Variants in FAM13C observed in about 807,000 individuals in gnomAD.
FAM13C encodes protein FAM13C.
FAM13C carries 37 observed loss-of-function variants against 73.2 expected under a neutral mutation model. The observed-to-expected ratio is 0.51, with a 90% CI of 0.39 to 0.67. FAM13C has a LOEUF of 0.67. FAM13C is among the 30% of genes least tolerant of loss of function. The pLI, the probability that FAM13C is intolerant of heterozygous loss-of-function variation, is 0.00. For missense variants in FAM13C, 589 were observed against 715.6 expected (o/e 0.82, Z 2.02); for synonymous variants, 246 against 260.9 (o/e 0.94, Z 0.55).
chr10:59,341,849 A>G (rs1853564435), intron 3 of FAM13C, among the ~76,000 whole-genome samples: 1 of 152,210 alleles, frequency 6.6e-6, no homozygotes. Flanking sequence ...ATTCAAGCAC[A>G]TCAGTTACCT....
intron 4 of FAM13C, among the ~76,000 whole-genome samples, chr10:59,316,181 C>T (rs372429817): frequency 6.6e-5 from 10 of 152,120 alleles, no homozygotes; most frequent in South Asian, 2.1e-4. Context: ...GTGATCTGCC[C>T]GCCTCAGGCT....
intron 3 of FAM13C, among the ~76,000 whole-genome samples, chr10:59,349,178 T>TA (rs1469222291): frequency 6.6e-6 from 1 of 152,242 alleles, no homozygotes; most frequent in Non-Finnish European, 1.5e-5. Context: ...AGTAGTAAAC[T>TA]AACCACAGTG....
intron 3 of FAM13C, among the ~76,000 whole-genome samples, 180 bp downstream of exon 3, chr10:59,352,090 A>G (rs1259136638): frequency 2.6e-5 from 4 of 152,210 alleles, no homozygotes; most frequent in African/African-American, 9.6e-5. Context: ...TAGCCGGCTC[A>G]GAGCACCCAA....
At chr10:59,289,749 A>G (rs985906882) in intron 5 of FAM13C, among the ~76,000 whole-genome samples, 10 of 152,166 alleles carry the variant, frequency 6.6e-5, no homozygotes, top group African/African-American at 2.2e-4. Context: ...GTGACCTTCA[A>G]TGCAGGAACA....
At chr10:59,267,994 A>C (rs983299004) in intron 8 of FAM13C, among the ~76,000 whole-genome samples, 2 of 152,200 alleles carry the variant, frequency 1.3e-5, no homozygotes, top group African/African-American at 2.4e-5. Context: ...CAGTACTAGC[A>C]TGAAAACTAG....
intron 4 of FAM13C, among the ~76,000 whole-genome samples, chr10:59,309,448 C>T (rs1174742632): frequency 6.6e-6 from 1 of 152,196 alleles, no homozygotes; most frequent in Non-Finnish European, 1.5e-5. Flanking sequence ...TATGTGCCCA[C>T]TCCTCAACCT....
intron 4 of FAM13C, among the ~76,000 whole-genome samples, chr10:59,310,737 C>T (rs138454120): frequency 2.6e-5 from 4 of 152,268 alleles, no homozygotes; most frequent in East Asian, 3.9e-4. Flanking sequence ...AACACTGATC[C>T]CCAATGGTAT....
At chr10:59,303,260 C>G (rs1421501873) in intron 4 of FAM13C, among the ~76,000 whole-genome samples, 1 of 152,196 alleles carries the variant, frequency 6.6e-6, no homozygotes, top group Non-Finnish European at 1.5e-5. Flanking sequence ...CACAGGGCAC[C>G]TCCCCAAGGA....
chr10:59,285,505 A>G (rs1388626710), intron 5 of FAM13C, among the ~76,000 whole-genome samples: 2 of 152,226 alleles, frequency 1.3e-5, no homozygotes. Flanking sequence ...GGAATGCAAA[A>G]TGGTGCTGCC....
chr10:59,291,849 T>C (rs1395462300), intron 5 of FAM13C, among the ~76,000 whole-genome samples: 28 of 147,376 alleles, frequency 1.9e-4, no homozygotes, highest in African/African-American at 5.8e-4. Flanking sequence ...AGTGCAGTGG[T>C]GTGATCTCGG....
chr10:59,282,361 C>T (rs1845020092), intron 6 of FAM13C, among the ~76,000 whole-genome samples: 1 of 152,164 alleles, frequency 6.6e-6, no homozygotes, highest in African/African-American at 2.4e-5. Context: ...ACTGATTTAC[C>T]TGCTTAGACT....
chr10:59,355,217 G>C (rs1265293485), intron 2 of FAM13C, among the ~76,000 whole-genome samples: 1 of 151,988 alleles, frequency 6.6e-6, no homozygotes, highest in Non-Finnish European at 1.5e-5. Context: ...GAGCAGCATT[G>C]GTTTGTCTTT....
Position 59,246,708 on chromosome 10 carries a change from G to A in FAM13C, c.*906C>T, listed in dbSNP as rs1481199187. On this transcript the variant is annotated 3_prime_UTR_variant, in exon 14 of 14. Transcript: ENST00000618804. ...TTGTACAGAAGGATGAATAACTACA[G>A]CTCATGGGAAATGTTTTGACTTTAC... 13 of 397,188 alleles carry A rather than the reference G, an allele frequency of 3.3e-5. No individual in the cohort carries two copies. The highest frequency in any genetic ancestry group is 4.4e-5 in the Non-Finnish European group (10 of 225,196). 24.6% of individuals were successfully genotyped at this position (397,188 alleles called of 1,614,324 possible). A position where few individuals can be genotyped will look rare whatever the true frequency, so the allele number is the denominator to read the frequency against.
At chr10:59,356,350 A>G (rs1386839062) in intron 1 of FAM13C, among the ~76,000 whole-genome samples, 2 of 152,090 alleles carry the variant, frequency 1.3e-5, no homozygotes, top group Non-Finnish European at 2.9e-5. Flanking sequence ...ACCAGCCTCC[A>G]TTTAGTTTAC....
At chr10:59,253,111 C>G in intron 11 of FAM13C, 113 bp from the exon 12 acceptor site, 1 of 999,186 alleles carries the variant, frequency 1.0e-6, no homozygotes, top group Non-Finnish European at 1.5e-6. Flanking sequence ...AGTAGGTGAC[C>G]CATGTGCCTA....
At chr10:59,332,456 G>T (rs1852119983) in intron 3 of FAM13C, among the ~76,000 whole-genome samples, 1 of 152,152 alleles carries the variant, frequency 6.6e-6, no homozygotes, top group South Asian at 2.1e-4. Context: ...AGAAAATGCA[G>T]AGTGGGTTGT....
At chr10:59,262,027 C>A (rs1331477253) in intron 10 of FAM13C, among the ~76,000 whole-genome samples, 2 of 152,090 alleles carry the variant, frequency 1.3e-5, no homozygotes, top group African/African-American at 4.8e-5. Flanking sequence ...AATTTCCTTA[C>A]TGTTTATAGA....
intron 3 of FAM13C, among the ~76,000 whole-genome samples, chr10:59,331,014 T>A (rs1347573500): frequency 6.6e-6 from 1 of 152,110 alleles, no homozygotes; most frequent in Admixed American, 6.5e-5. Context: ...TTTATGGGAT[T>A]CTTGGTTTTC....
At chr10:59,265,704 A>G (rs2133506983) in intron 8 of FAM13C, among the ~76,000 whole-genome samples, 1 of 152,348 alleles carries the variant, frequency 6.6e-6, no homozygotes, top group Non-Finnish European at 1.5e-5. Context: ...CATAGAACTT[A>G]GAAGAAATTT....
Sources: gnomAD v4.1 joint callset for allele counts (sites outside exome capture counted in the v4.1 genomes callset) on GRCh38, gnomAD v4.1.1 for gene constraint, MANE v1.5 for transcripts, NCBI Gene and HGNC (gene_info 2026-07-23, HGNC 2026-07-21) for gene names.